EXO1: variants seen among roughly 807,000 people sequenced by gnomAD.
EXO1 encodes exonuclease 1.
Under a neutral mutation model 84.5 loss-of-function variants are expected in EXO1, and 69 were observed. The ratio of observed to expected loss-of-function variants is 0.82; its 90% CI spans 0.67 to 1.00. The LOEUF (loss-of-function observed/expected upper bound fraction) is 1.00. Ranked by LOEUF, EXO1 falls within the 50% of genes least tolerant of loss-of-function variation. The pLI, the probability that EXO1 is intolerant of heterozygous loss-of-function variation, is 0.00. For missense variants in EXO1, 1,045 were observed against 1,000.7 expected, an observed-to-expected ratio of 1.04 and a Z score of -0.60; for synonymous variants, 373 against 366.1, an observed-to-expected ratio of 1.02 and a Z score of -0.21.
intron 11 of EXO1, among the ~76,000 whole-genome samples, chr1:241,871,176 C>T (rs2148477374): frequency 6.6e-6 from 1 of 152,290 alleles, no homozygotes; most frequent in South Asian, 2.1e-4. Context: ...ACTCACAATT[C>T]CCTGCATAAT....
At chr1:241,878,588 T>C (rs1662541566) in intron 12 of EXO1, among the ~76,000 whole-genome samples, 161 bp from the exon 13 acceptor site, 1 of 152,098 alleles carries the variant, frequency 6.6e-6, no homozygotes, top group South Asian at 2.1e-4. Context: ...AAAATTTGAA[T>C]TTTGACTAAA....
chr1:241,876,483 G>A (rs3819359), intron 12 of EXO1, among the ~76,000 whole-genome samples: 11,814 of 151,820 alleles, frequency 0.078, 727 homozygotes, highest in Admixed American at 0.2. Flanking sequence ...TCGGGGGGCC[G>A]AGGGAGGAGA....
rs1446779654 is a variant in EXO1 at position 241,881,939 on chromosome 1, A to G, written c.2133A>G (p.Leu711=). 1 of 1,570,968 alleles carries G rather than the reference A, an allele frequency of 6.4e-7. No homozygotes were observed. The highest frequency in any genetic ancestry group is 8.7e-7 in the Non-Finnish European group (1 of 1,143,334). ...AGGAATCTGATTGCAATATTAAGTT[A>G]CTTGACAGTCAAAGTGACCAGACCT... is the stretch of plus-strand genomic sequence containing the variant. ...DSEESDCNIK[L]LDSQSDQTSK... is the part of the protein sequence containing the mutation. Residue 711 remains leucine (L), a synonymous_variant, in exon 14 of 16, where the codon TTA becomes TTG. Transcript: ENST00000366548.
intron 10 of EXO1, among the ~76,000 whole-genome samples, chr1:241,863,279 T>A (rs1661501737): frequency 6.6e-6 from 1 of 152,162 alleles, no homozygotes; most frequent in African/African-American, 2.4e-5. Flanking sequence ...CTTTTCCAGC[T>A]GACCATTTTC....
chr1:241,885,417 G>A lies in EXO1; in HGVS notation c.2315G>A (p.Ser772Asn), dbSNP rs779436857. 6 of 1,613,864 alleles carry A rather than the reference G, an allele frequency of 3.7e-6. No individual in the cohort carries two copies. Among genetic ancestry groups the A allele is most frequent in the Middle Eastern group, 1.6e-4 (1 of 6,062 alleles). ...AGTGGGCTGAGCAAGAAGCCGGCAAGCATCCAGAAGAGAAAGCATCATAAT... is the reference window on the plus strand; with the variant it reads ...AGTGGGCTGAGCAAGAAGCCGGCAAACATCCAGAAGAGAAAGCATCATAAT... ...RASGLSKKPA[S>N]IQKRKHHNAE... Residue 772 changes from serine to asparagine, a missense_variant, in exon 15 of 16, where the codon AGC becomes AAC. Transcript: ENST00000366548.
intron 12 of EXO1, among the ~76,000 whole-genome samples, chr1:241,873,755 T>C (rs1662244465): frequency 1.3e-5 from 2 of 152,172 alleles, no homozygotes. Context: ...TACGGTGTTT[T>C]GAGGGCGTTC....
chr1:241,864,893 T>A (rs935703698), intron 10 of EXO1, among the ~76,000 whole-genome samples: 4 of 150,496 alleles, frequency 2.7e-5, no homozygotes, highest in Non-Finnish European at 4.4e-5. Flanking sequence ...TTTTTTTTTT[T>A]AAATTTGAGA....
At position 241,879,855 on chromosome 1, in the gene EXO1, A is replaced by G. The variant is rs1574180383; in HGVS notation, c.2109+512A>G. 2.0e-5 allele frequency among the ~76,000 whole-genome samples: 3 copies of G among 151,988 alleles called. No homozygotes were observed. The South Asian group carries it at 6.3e-4, about 32-fold the overall frequency. ...CCCTGTCTCTCCTAAAAATACAAAA[A>G]TCTTAGGCAGGCATGGTGGTGGGCA... On this transcript the variant is annotated intron_variant, in intron 13 of 15. Coordinates refer to ENST00000366548, the MANE Select transcript of EXO1 (RefSeq NM_130398.4).
chr1:241,860,832 C>A, intron 9 of EXO1, 128 bp downstream of exon 9: 1 of 762,986 alleles, frequency 1.3e-6, no homozygotes, highest in Non-Finnish European at 2.2e-6. Flanking sequence ...ATAGTGAAAT[C>A]TGTATATTGT....
chr1:241,885,356 A>G lies in EXO1; in HGVS notation c.2254A>G (p.Thr752Ala). The change falls in exon 15 of 16, where the codon ACA becomes GCA. Residue 752 changes from threonine (T) to alanine (A), a missense_variant. Thr to Ala is a moderately conservative substitution (Grantham distance 58). Transcript: ENST00000366548. ...YKSSSADSLS[T>A]TKIKPLGPAR... is the part of the protein sequence containing the mutation. ...GTCCAGTTCTGCAGACTCTCTTTCT[A>G]CAACCAAGATCAAACCTCTAGGACC... The G allele has an allele frequency of 6.2e-7, 1 of 1,613,988 alleles. No homozygotes were observed. The highest frequency in any genetic ancestry group is 8.5e-7 in the Non-Finnish European group (1 of 1,179,944).
chr1:241,879,416 A>G, intron 13 of EXO1, 73 bp downstream of exon 13: 1 of 882,340 alleles, frequency 1.1e-6, no homozygotes, highest in Non-Finnish European at 1.8e-6. Flanking sequence ...CAAACTGAGG[A>G]AATTTTTCCT....
At chr1:241,877,521 G>A (rs998328945) in intron 12 of EXO1, among the ~76,000 whole-genome samples, 1 of 152,054 alleles carries the variant, frequency 6.6e-6, no homozygotes, top group African/African-American at 2.4e-5. Flanking sequence ...GGGATTTGGT[G>A]AAAGGATAGA....
chr1:241,869,576 C>T (rs768226575), intron 11 of EXO1, among the ~76,000 whole-genome samples: 8 of 152,004 alleles, frequency 5.3e-5, no homozygotes, highest in African/African-American at 1.7e-4. Flanking sequence ...CATATTCGGC[C>T]GAAATATCCT....
chr1:241,874,353 A>G (rs1176688518), intron 12 of EXO1, among the ~76,000 whole-genome samples: 1 of 152,190 alleles, frequency 6.6e-6, no homozygotes, highest in African/African-American at 2.4e-5. Context: ...CCATCATGCC[A>G]CTGCAGTCCA....
chr1:241,850,487 A>C lies in EXO1; in HGVS notation c.62A>C (p.Lys21Thr). 6.2e-7 allele frequency: 1 copy of C among 1,613,906 alleles called. No homozygotes were observed. Among genetic ancestry groups the C allele is most frequent in the Non-Finnish European group, 8.5e-7 (1 of 1,179,730 alleles). Residue 21 changes from lysine (K) to threonine (T), a missense_variant, in exon 4 of 16, where the codon AAG (lysine) becomes ACG (threonine). By Grantham distance (78) the Lys-to-Thr change is moderately conservative. Coordinates refer to ENST00000366548, the MANE Select transcript of EXO1 (RefSeq NM_130398.4). The stretch of plus-strand genomic sequence containing the variant: ...GCTTCAGAACCCATCCATGTGAGGA[A>C]GTATAAAGGGCAGGTAGTAGCTGTG... ...KEASEPIHVR[K>T]YKGQVVAVDT...
chr1:241,857,185 A>G (rs1661102351), intron 6 of EXO1, among the ~76,000 whole-genome samples, 160 bp from the exon 7 acceptor site: 1 of 152,238 alleles, frequency 6.6e-6, no homozygotes, highest in South Asian at 2.1e-4. Context: ...AACATATACT[A>G]AAACTTACAG....
intron 8 of EXO1, 127 bp downstream of exon 8, chr1:241,858,845 A>G (rs1222879143): frequency 4.0e-6 from 3 of 747,852 alleles, no homozygotes; most frequent in Non-Finnish European, 6.9e-6. Flanking sequence ...AAAAGGAGCA[A>G]ATGACTGAGG....
At chr1:241,858,836 A>G (rs1489698597) in intron 8 of EXO1, 118 bp downstream of exon 8, 1 of 776,680 alleles carries the variant, frequency 1.3e-6, no homozygotes, top group East Asian at 2.7e-5. Context: ...TATATTATTA[A>G]AAGGAGCAAA....
Position 241,857,385 on chromosome 1 carries a change from A to G in EXO1, c.446A>G (p.Tyr149Cys), listed in dbSNP as rs1025375857. The G allele has an allele frequency of 4.3e-6, 7 of 1,613,998 alleles. No homozygotes were observed. Among genetic ancestry groups the G allele is most frequent in the Non-Finnish European group, 4.2e-6 (5 of 1,179,948 alleles). The change falls in exon 7 of 16, where the codon TAT (tyrosine) becomes TGT (cysteine). Residue 149 changes from tyrosine (Y) to cysteine (C), a missense_variant. Tyr to Cys is a radical substitution (Grantham distance 194, BLOSUM62 -2). Transcript: ENST00000366548. ...GGGGTAGATTGCCTCGTGGCTCCCT[A>G]TGAAGCTGATGCGCAGTTGGCCTAT... is the stretch of plus-strand genomic sequence containing the variant. Reference protein sequence around the residue: ...SQGVDCLVAPYEADAQLAYLN... With the variant: ...SQGVDCLVAPCEADAQLAYLN...
Sources: gnomAD v4.1 joint callset for allele counts (sites outside exome capture counted in the v4.1 genomes callset) on GRCh38, gnomAD v4.1.1 for gene constraint, MANE v1.5 for transcripts, NCBI Gene and HGNC (gene_info 2026-07-23, HGNC 2026-07-21) for gene names.